MTA3: variants seen among roughly 807,000 people sequenced by gnomAD.
MTA3 encodes metastasis associated 1 family member 3.
MTA3 carries 34 observed loss-of-function variants against 83.5 expected under a neutral mutation model. The ratio of observed to expected loss-of-function variants is 0.41; its 90% CI spans 0.31 to 0.54. The LOEUF (loss-of-function observed/expected upper bound fraction) is 0.54, where lower values mean the gene tolerates loss of function less well. Ranked by LOEUF, MTA3 falls within the 20% of genes least tolerant of loss-of-function variation. The pLI, the probability that MTA3 is intolerant of heterozygous loss-of-function variation, is 0.33. For missense variants in MTA3, 761 were observed against 726.4 expected (o/e 1.05, Z -0.55); for synonymous variants, 303 against 252.7 (o/e 1.20, Z -1.89).
chr2:42,656,126 G>T, intron 6 of MTA3, 74 bp from the exon 7 acceptor site: 1 of 1,115,640 alleles, frequency 9.0e-7, no homozygotes, highest in Non-Finnish European at 1.4e-6. Flanking sequence ...ATGCTATGGT[G>T]ACAGTTGTCA....
chr2:42,752,412 G>T, intron 16 of MTA3: 2 of 370,364 alleles, frequency 5.4e-6, no homozygotes, highest in Non-Finnish European at 1.1e-5. Context: ...TTCCCTCCTA[G>T]CCACTTTCCT....
At position 42,754,476 on chromosome 2, in the gene MTA3, T is replaced by C; in HGVS notation, c.*1077T>C. The C allele has an allele frequency of 1.0e-6, 1 of 985,438 alleles. No homozygotes were observed. The highest frequency in any genetic ancestry group is 1.2e-6 in the Non-Finnish European group (1 of 830,024). The allele number at this position is 985,438 out of a possible 1,614,324, so 61.0% of individuals were successfully genotyped here. A position where few individuals can be genotyped will look rare whatever the true frequency, so the allele number is the denominator to read the frequency against. On this transcript the variant is annotated 3_prime_UTR_variant, in exon 17 of 17. Coordinates refer to ENST00000405094, the MANE Select transcript of MTA3 (RefSeq NM_001330442.2). ...GGCTCTTCGTGTTTCCCACCTGCCC[T>C]CGGCACGAGCCCTTGGTGGCATCAC...
chr2:42,655,721 A>T (rs1409044493), intron 6 of MTA3, among the ~76,000 whole-genome samples: 1 of 151,842 alleles, frequency 6.6e-6, no homozygotes, highest in Non-Finnish European at 1.5e-5. Flanking sequence ...TCGTGCCTCA[A>T]CCTCCCGAGT....
chr2:42,670,719 T>C (rs1159414441), intron 8 of MTA3, among the ~76,000 whole-genome samples: 1 of 149,708 alleles, frequency 6.7e-6, no homozygotes, highest in East Asian at 2.0e-4. Context: ...CAGTCCAAAA[T>C]AATGGCCTTC....
chr2:42,711,783 AGTGTGTGTGT>A (rs763894802), intron 14 of MTA3, among the ~76,000 whole-genome samples: 2 of 147,744 alleles, frequency 1.4e-5, no homozygotes, highest in East Asian at 2.0e-4. Context: ...AGAGAGAGAG[AGTGTGTGTGT>A]GTGTGTGTGT....
intron 16 of MTA3, among the ~76,000 whole-genome samples, chr2:42,734,983 G>T (rs1260553441): frequency 1.3e-5 from 2 of 152,134 alleles, no homozygotes; most frequent in Non-Finnish European, 2.9e-5. Flanking sequence ...TTCTAGTCAA[G>T]ATATGAGTAG....
intron 4 of MTA3, among the ~76,000 whole-genome samples, chr2:42,621,389 A>G (rs568808597): frequency 6.6e-6 from 1 of 151,160 alleles, no homozygotes; most frequent in East Asian, 1.9e-4. Context: ...TTGCACCGCC[A>G]TTAATCCATT....
chr2:42,687,247 T>G (rs1469432240), intron 9 of MTA3, among the ~76,000 whole-genome samples: 1 of 152,232 alleles, frequency 6.6e-6, no homozygotes, highest in Admixed American at 6.5e-5. Flanking sequence ...ACCACTGATT[T>G]ATGCTCCATC....
At chr2:42,605,027 C>T (rs1469866286) in intron 3 of MTA3, among the ~76,000 whole-genome samples, 1 of 150,734 alleles carries the variant, frequency 6.6e-6, no homozygotes, top group African/African-American at 2.4e-5. Context: ...CAATCTTTTC[C>T]CCACCTTTCC....
rs116316556 is a variant in MTA3 at position 42,592,183 on chromosome 2, G to A, written c.190+12983G>A. Reference sequence around the variant, plus strand: ...AGGCTGAGGCAGGAGGATTGGTTGAGCCCAGTAGGCAGAGGTTGCAGTGAG... The same window carrying A: ...AGGCTGAGGCAGGAGGATTGGTTGAACCCAGTAGGCAGAGGTTGCAGTGAG... On this transcript the variant is annotated intron_variant, in intron 3 of 16. Coordinates refer to ENST00000405094, the MANE Select transcript of MTA3 (RefSeq NM_001330442.2). Among the ~76,000 whole-genome samples the A allele has an allele frequency of 5.4e-3, 823 of 152,238 alleles. 5 individuals carry two copies. Among genetic ancestry groups the A allele is most frequent in the African/African-American group, 0.019 (788 of 41,568 alleles).
chr2:42,705,287 C>G (rs755036660), intron 12 of MTA3, among the ~76,000 whole-genome samples: 1 of 152,170 alleles, frequency 6.6e-6, no homozygotes, highest in Non-Finnish European at 1.5e-5. Flanking sequence ...TTAGGTCAGG[C>G]TTTTACATGG....
chr2:42,521,113 A>C (rs927062415), intron 2 of MTA3, among the ~76,000 whole-genome samples: 4 of 152,204 alleles, frequency 2.6e-5, no homozygotes, highest in African/African-American at 9.7e-5. Context: ...TGAATAAAAT[A>C]CAGCAAAAGG....
intron 2 of MTA3, among the ~76,000 whole-genome samples, chr2:42,538,860 C>T (rs1395684493): frequency 1.3e-5 from 2 of 149,190 alleles, no homozygotes; most frequent in Admixed American, 6.7e-5. Context: ...CTGCAAGCTC[C>T]GCTTCCCGGG....
chr2:42,531,658 G>A (rs934307768), intron 2 of MTA3, among the ~76,000 whole-genome samples: 2 of 149,094 alleles, frequency 1.3e-5, no homozygotes, highest in Non-Finnish European at 3.0e-5. Flanking sequence ...TCACCATATT[G>A]GCCAGGCTGG....
intron 11 of MTA3, chr2:42,698,457 GAAC>G (rs1257559021): frequency 2.6e-5 from 4 of 151,874 alleles, no homozygotes; most frequent in African/African-American, 9.7e-5. Context: ...GCACTTTGGG[GAAC>G]CTCGTTTCTG....
intron 3 of MTA3, among the ~76,000 whole-genome samples, chr2:42,589,614 G>A (rs1206694051): frequency 6.6e-6 from 1 of 152,076 alleles, no homozygotes; most frequent in African/African-American, 2.4e-5. Flanking sequence ...GTGCAGTGGT[G>A]CCATCTCGGC....
intron 2 of MTA3, among the ~76,000 whole-genome samples, chr2:42,546,783 C>T (rs1024587674): frequency 3.9e-5 from 6 of 152,084 alleles, no homozygotes; most frequent in Admixed American, 6.6e-5. Context: ...TAATCTGTGG[C>T]GGTAACAGAA....
intron 16 of MTA3, among the ~76,000 whole-genome samples, chr2:42,741,459 C>T (rs575845991): frequency 1.3e-5 from 2 of 152,308 alleles, no homozygotes; most frequent in Non-Finnish European, 2.9e-5. Context: ...GCTTTCAATA[C>T]GCCTTCCTCA....
At chr2:42,541,399 G>T (rs1397192301) in intron 2 of MTA3, among the ~76,000 whole-genome samples, 1 of 152,178 alleles carries the variant, frequency 6.6e-6, no homozygotes, top group Non-Finnish European at 1.5e-5. Context: ...GCAGTGGCAG[G>T]AAGCTGTAGC....
Sources: allele counts gnomAD v4.1 joint callset (sites outside exome capture counted in the v4.1 genomes callset), GRCh38; gene constraint gnomAD v4.1.1; transcripts MANE v1.5; gene names NCBI Gene and HGNC (gene_info 2026-07-23, HGNC 2026-07-21).